CCDC158: variants seen among roughly 807,000 people sequenced by gnomAD.
The protein encoded by CCDC158 is coiled-coil domain-containing protein 158.
CCDC158 carries 116 observed loss-of-function variants against 138.6 expected under a neutral mutation model. The observed-to-expected ratio is 0.84, with a 90% confidence interval of 0.72 to 0.98. The LOEUF is 0.98. Among genes scored for constraint, CCDC158 ranks in the 50% least tolerant of loss-of-function variants. The pLI is 0.00. For synonymous variants in CCDC158, 436 were observed against 442.4 expected, an observed-to-expected ratio of 0.99 and a Z score of 0.18; for missense variants, 1,265 against 1,306.1, an observed-to-expected ratio of 0.97 and a Z score of 0.48.
intron 18 of CCDC158, among the ~76,000 whole-genome samples, chr4:76,336,179 C>T (rs1344315243): frequency 5.3e-5 from 1 of 18,932 alleles, no homozygotes; most frequent in Non-Finnish European, 9.8e-5. Flanking sequence ...GAGACTCTGT[C>T]TCAAAAAAAA....
intron 18 of CCDC158, among the ~76,000 whole-genome samples, chr4:76,334,406 T>TA (rs1203874924): frequency 6.6e-6 from 1 of 152,230 alleles, no homozygotes; most frequent in African/African-American, 2.4e-5. Flanking sequence ...CCAAACTACT[T>TA]ACATTTATTT....
intron 18 of CCDC158, among the ~76,000 whole-genome samples, chr4:76,342,206 A>C (rs1560805845): frequency 6.6e-6 from 1 of 151,970 alleles, no homozygotes; most frequent in African/African-American, 2.4e-5. Context: ...TGTCTGAATA[A>C]TTTTTTTATT....
chr4:76,415,876 C>A (rs1330790449), intron 1 of CCDC158, among the ~76,000 whole-genome samples: 1 of 152,132 alleles, frequency 6.6e-6, no homozygotes, highest in Non-Finnish European at 1.5e-5. Context: ...ACTTAGCAGA[C>A]CGGGAAAGGG....
At chr4:76,383,617 G>T (rs756541128) in intron 7 of CCDC158, 45 bp downstream of exon 7, 3 of 1,346,900 alleles carry the variant, frequency 2.2e-6, no homozygotes, top group South Asian at 1.2e-5. Flanking sequence ...GTAAAACTGT[G>T]GTTTAGTTTC....
chr4:76,370,468 T>C (rs544867296), intron 10 of CCDC158, among the ~76,000 whole-genome samples: 1 of 152,092 alleles, frequency 6.6e-6, no homozygotes, highest in African/African-American at 2.4e-5. Context: ...TCTGACTTTA[T>C]GGAGAAAGTA....
chr4:76,325,205 A>G (rs1720410178), intron 23 of CCDC158, among the ~76,000 whole-genome samples: 1 of 152,264 alleles, frequency 6.6e-6, no homozygotes, highest in Non-Finnish European at 1.5e-5. Context: ...TGTGTAAGCT[A>G]TAGAATTTCA....
chr4:76,315,770 C>G (rs13115616), intron 24 of CCDC158, among the ~76,000 whole-genome samples: 1 of 152,054 alleles, frequency 6.6e-6, no homozygotes, highest in Non-Finnish European at 1.5e-5. Flanking sequence ...GGCTGGGAGA[C>G]GTGAAGATGA....
chr4:76,420,736 G>A (rs957107167), intron 1 of CCDC158, among the ~76,000 whole-genome samples: 3 of 152,192 alleles, frequency 2.0e-5, no homozygotes, highest in Non-Finnish European at 4.4e-5. Flanking sequence ...AGGCCCCTGT[G>A]TTCTTCAAGG....
intron 11 of CCDC158, 46 bp from the exon 12 acceptor site, chr4:76,367,822 T>A (rs1277858827): frequency 1.3e-6 from 2 of 1,534,024 alleles, no homozygotes; most frequent in South Asian, 2.5e-5. Flanking sequence ...GGAGGATAGG[T>A]ATAGGCAACC....
At position 76,362,026 on chromosome 4, in the gene CCDC158, G is replaced by A. The variant is rs1724190608; in HGVS notation, c.2020+100C>T. 4 of 843,362 alleles carry A rather than the reference G, an allele frequency of 4.7e-6. No homozygotes were observed. In the East Asian group the frequency reaches 1.0e-4, roughly 22 times the overall value. 52.2% of individuals were successfully genotyped at this position (843,362 alleles called of 1,614,324 possible). A position where few individuals can be genotyped will look rare whatever the true frequency, so the allele number is the denominator to read the frequency against. On this transcript the variant is annotated intron_variant, in intron 13 of 24. Coordinates refer to ENST00000682701, the MANE Select transcript of CCDC158 (RefSeq NM_001394954.1). ...CAGCATAACTATTCATGTTTGTCAT[G>A]TGAGTGAGACACCCTTCTTTTGCAA...
At position 76,383,598 on chromosome 4, in the gene CCDC158, C is replaced by T. The variant is rs538678797; in HGVS notation, c.803+64G>A. 1.1e-3 allele frequency: 1,298 copies of T among 1,205,584 alleles called. 10 individuals are homozygous for T. The highest frequency in any genetic ancestry group is 5.5e-5 in the Non-Finnish European group (45 of 814,098). The allele number at this position is 1,205,584 out of a possible 1,614,324, so 74.7% of individuals were successfully genotyped here. A position where few individuals can be genotyped will look rare whatever the true frequency, so the allele number is the denominator to read the frequency against. ...GCTGTTTAGATTTTGGAATTGTGGC[C>T]GAAACACTGTAAAACTGTGGTTTAG... On this transcript the variant is annotated intron_variant, in intron 7 of 24. Transcript: ENST00000682701.
At chr4:76,331,299 A>G (rs771944838) in intron 21 of CCDC158, 45 bp downstream of exon 21, 18 of 1,494,260 alleles carry the variant, frequency 1.2e-5, no homozygotes, top group East Asian at 2.3e-5. Context: ...AATAATGAAC[A>G]GTCGTAAAAG....
intron 24 of CCDC158, among the ~76,000 whole-genome samples, chr4:76,319,314 T>A (rs561676173): frequency 1.3e-5 from 2 of 149,068 alleles, no homozygotes; most frequent in South Asian, 4.3e-4. Context: ...GTGCCTGTAA[T>A]CCCAGCTACT....
intron 18 of CCDC158, among the ~76,000 whole-genome samples, chr4:76,335,572 G>A (rs917834612): frequency 2.0e-5 from 3 of 151,964 alleles, no homozygotes; most frequent in Admixed American, 6.6e-5. Flanking sequence ...CAATACATAA[G>A]GTTTTTTTGT....
chr4:76,326,004 C>T lies in CCDC158; in HGVS notation c.3022G>A (p.Val1008Met). The change falls in exon 23 of 25, where the codon GTG (valine) becomes ATG (methionine). Residue 1008 changes from valine to methionine, a missense_variant. By Grantham distance (21) the Val-to-Met change is conservative (BLOSUM62 1). Coordinates refer to ENST00000682701, the MANE Select transcript of CCDC158 (RefSeq NM_001394954.1). ...FTFTSAASPS[V>M]KNSASRSFNS... ...AATGAACGAGAAGCTGAGTTTTTCA[C>T]AGATGGACTTGCTAAAAGTTTGCAA... The T allele has an allele frequency of 6.2e-7, 1 of 1,611,018 alleles. No homozygotes were observed. The highest frequency in any genetic ancestry group is 8.5e-7 in the Non-Finnish European group (1 of 1,178,864).
chr4:76,417,982 A>T (rs972281980), intron 1 of CCDC158, among the ~76,000 whole-genome samples: 1 of 152,228 alleles, frequency 6.6e-6, no homozygotes, highest in Admixed American at 6.5e-5. Context: ...CACTGTGCTT[A>T]TCACTTCCTT....
chr4:76,383,364 C>A (rs1726459220), intron 7 of CCDC158, among the ~76,000 whole-genome samples: 1 of 152,134 alleles, frequency 6.6e-6, no homozygotes, highest in African/African-American at 2.4e-5. Context: ...CATCCACAGA[C>A]CCCCTCACCA....
chr4:76,337,954 C>T (rs1721680708), intron 18 of CCDC158, among the ~76,000 whole-genome samples: 1 of 152,138 alleles, frequency 6.6e-6, no homozygotes, highest in Non-Finnish European at 1.5e-5. Context: ...AATGGGGCCA[C>T]ACAGCAGGAG....
At position 76,325,910 on chromosome 4, in the gene CCDC158, G is replaced by C. The variant is rs1330498415; in HGVS notation, c.3116C>G (p.Ser1039Cys). The C allele has an allele frequency of 1.2e-6, 2 of 1,613,526 alleles. No individual in the cohort carries two copies. The highest frequency in any genetic ancestry group is 3.3e-5 in the Admixed American group (2 of 60,010). ...LTSSVEGSIG[S>C]TSQYRSAKPI... The stretch of plus-strand genomic sequence containing the variant: ...TTTGGCAGATCTATACTGTGATGTG[G>C]AACCTATTGAACCTTCAACTGAACT... Residue 1039 changes from serine (S) to cysteine (C), a missense_variant, in exon 23 of 25, where the codon TCC becomes TGC. Coordinates refer to ENST00000682701, the MANE Select transcript of CCDC158 (RefSeq NM_001394954.1).
Sources: gnomAD v4.1 joint callset for allele counts (sites outside exome capture counted in the v4.1 genomes callset) on GRCh38, gnomAD v4.1.1 for gene constraint, MANE v1.5 for transcripts, NCBI Gene and HGNC (gene_info 2026-07-23, HGNC 2026-07-21) for gene names.